Variants in ATP10D observed in about 807,000 individuals in gnomAD.
ATP10D encodes phospholipid-transporting ATPase VD.
Under a neutral mutation model 144.8 loss-of-function variants are expected in ATP10D, and 89 were observed. The observed-to-expected ratio is 0.61, with a 90% confidence interval of 0.52 to 0.73. The LOEUF (loss-of-function observed/expected upper bound fraction) is 0.73, where lower values mean the gene tolerates loss of function less well. Ranked by LOEUF, ATP10D falls within the 30% of genes least tolerant of loss-of-function variation. The pLI, the probability that ATP10D is intolerant of heterozygous loss-of-function variation, is 0.00. For synonymous variants in ATP10D, 571 were observed against 615.1 expected, an observed-to-expected ratio of 0.93 and a Z score of 1.06; for missense variants, 1,603 against 1,714.8, an observed-to-expected ratio of 0.93 and a Z score of 1.15.
chr4:47,558,588 T>C (rs984403532), intron 12 of ATP10D, among the ~76,000 whole-genome samples: 3 of 152,200 alleles, frequency 2.0e-5, no homozygotes, highest in Non-Finnish European at 4.4e-5. Flanking sequence ...TGACATACTA[T>C]ATGCAATGTA....
chr4:47,574,252 C>T (rs1720110347), intron 18 of ATP10D, among the ~76,000 whole-genome samples: 1 of 152,204 alleles, frequency 6.6e-6, no homozygotes, highest in Non-Finnish European at 1.5e-5. Flanking sequence ...GGTATACACT[C>T]TCGAAGAGAG....
At chr4:47,568,508 G>T (rs965328392) in intron 15 of ATP10D, among the ~76,000 whole-genome samples, 4 of 152,174 alleles carry the variant, frequency 2.6e-5, no homozygotes, top group African/African-American at 9.7e-5. Context: ...TACATAGTTT[G>T]CCCAAGGTCA....
At position 47,536,886 on chromosome 4, in the gene ATP10D, G is replaced by T; in HGVS notation, c.1344G>T (p.Met448Ile). Residue 448 changes from methionine to isoleucine, a missense_variant, in exon 9 of 23, where the codon ATG becomes ATT. Coordinates refer to ENST00000273859, the MANE Select transcript of ATP10D (RefSeq NM_020453.4). ...CAGGAACCCTCACTGAGAATAAGAT[G>T]GTTTTTCGAAGATGTAGTGTGGCAG... ...DKTGTLTENK[M>I]VFRRCSVAGF... The T allele has an allele frequency of 1.2e-6, 2 of 1,612,832 alleles. No homozygotes were observed. The highest frequency in any genetic ancestry group is 1.7e-6 in the Non-Finnish European group (2 of 1,179,468).
intron 10 of ATP10D, among the ~76,000 whole-genome samples, chr4:47,552,837 G>A (rs1388563035): frequency 6.6e-6 from 1 of 152,172 alleles, no homozygotes; most frequent in African/African-American, 2.4e-5. Context: ...TTCTATAAAA[G>A]AAGTCTCTAA....
chr4:47,569,049 G>A lies in ATP10D; in HGVS notation c.3066G>A (p.Trp1022Ter), dbSNP rs1166196070. The A allele has an allele frequency of 6.2e-7, 1 of 1,614,182 alleles. No homozygotes were observed. The highest frequency in any genetic ancestry group is 8.5e-7 in the Non-Finnish European group (1 of 1,180,020). Reference sequence around the variant, plus strand: ...AGCAGTTCCTGGAACTGACATCTTGGTGTCAAGCTGTGGTCTGCTGCCGAG... The same window carrying A: ...AGCAGTTCCTGGAACTGACATCTTGATGTCAAGCTGTGGTCTGCTGCCGAG... Reference protein sequence around the residue: ...LQKQFLELTSWCQAVVCCRAT... With the variant: ...LQKQFLELTS Residue 1022 changes from tryptophan to a stop codon, truncating the protein, a stop_gained, in exon 16 of 23, where the codon TGG becomes TGA. Transcript: ENST00000273859. LOFTEE classifies it high-confidence loss of function.
chr4:47,569,596 G>C (rs1488046806), intron 16 of ATP10D, among the ~76,000 whole-genome samples: 2 of 152,016 alleles, frequency 1.3e-5, no homozygotes, highest in Non-Finnish European at 2.9e-5. Flanking sequence ...TATAAAATTG[G>C]CAAACTACCT....
chr4:47,526,089 CCAAAAG>C (rs1560425014), intron 5 of ATP10D, among the ~76,000 whole-genome samples: 14 of 152,248 alleles, frequency 9.2e-5, no homozygotes, highest in Non-Finnish European at 1.5e-4. Context: ...TACCTTGATA[CCAAAAG>C]CATATAAAGA....
In ATP10D at chr4:47,535,936, G is replaced by A; in HGVS notation, c.918G>A (p.Gly306=). ...HETKAMLNNS[G]PRYKRSKLER... Reference sequence around the variant, plus strand: ...CCAAAGCAATGCTGAACAACAGTGGGCCACGGTATAAGCGCAGCAAATTAG... The same window carrying A: ...CCAAAGCAATGCTGAACAACAGTGGACCACGGTATAAGCGCAGCAAATTAG... Residue 306 remains glycine, a synonymous_variant, in exon 7 of 23, where the codon GGG becomes GGA. Transcript: ENST00000273859. The A allele has an allele frequency of 1.9e-6, 3 of 1,612,964 alleles. No individual in the cohort carries two copies. The highest frequency in any genetic ancestry group is 2.5e-6 in the Non-Finnish European group (3 of 1,179,262).
chr4:47,494,186 G>A (rs1398885296), intron 1 of ATP10D, among the ~76,000 whole-genome samples: 3 of 152,032 alleles, frequency 2.0e-5, no homozygotes, highest in Non-Finnish European at 2.9e-5. Context: ...CTAAACTTTT[G>A]TGCAAATGTT....
chr4:47,571,181 T>C (rs985899284), intron 16 of ATP10D, among the ~76,000 whole-genome samples: 1 of 151,882 alleles, frequency 6.6e-6, no homozygotes, highest in Admixed American at 6.6e-5. Context: ...ATAAATGAAT[T>C]ATTCAAGCTT....
intron 3 of ATP10D, among the ~76,000 whole-genome samples, chr4:47,520,069 G>A (rs1309596317): frequency 6.6e-6 from 1 of 152,164 alleles, no homozygotes; most frequent in Non-Finnish European, 1.5e-5. Flanking sequence ...TTCTAATATA[G>A]AGAAAGAAAC....
Position 47,521,556 on chromosome 4 carries a change from T to A in ATP10D, c.486-1456T>A, listed in dbSNP as rs1216942185. ...TCCTAAATAAACTGCCATCCAAAAA[T>A]CCATTCATTACTCTGTCTCAGGAGT... On this transcript the variant is annotated intron_variant, in intron 3 of 22. Transcript: ENST00000273859. 3.9e-5 allele frequency among the ~76,000 whole-genome samples: 6 copies of A among 152,152 alleles called. No individual in the cohort carries two copies. The East Asian group carries it at 7.7e-4, about 19-fold the overall frequency.
chr4:47,569,969 A>G (rs1011162188), intron 16 of ATP10D, among the ~76,000 whole-genome samples: 1 of 152,196 alleles, frequency 6.6e-6, no homozygotes, highest in Non-Finnish European at 1.5e-5. Context: ...TAAAGGCCAG[A>G]GAAGCAGCAG....
rs1162370224 is a variant in ATP10D at position 47,505,642 on chromosome 4, GGAAGGATCGCTT to G, written c.-37-6858_-37-6847del. 3.3e-5 allele frequency among the ~76,000 whole-genome samples: 5 copies of G among 152,002 alleles called. No individual in the cohort carries two copies. The South Asian group carries it at 1.0e-3, about 32-fold the overall frequency. On this transcript the variant is annotated intron_variant, in intron 1 of 22. Coordinates refer to ENST00000273859, the MANE Select transcript of ATP10D (RefSeq NM_020453.4). ...TCCCAGCTACTTGTGAAGCTGTGGT[GGAAGGATCGCTT>G]GAACCAGGGAGGCAGAGATTGCAGT... is the stretch of plus-strand genomic sequence containing the variant.
rs1289032538 is a variant in ATP10D at position 47,569,081 on chromosome 4, C to T, written c.3098C>T (p.Pro1033Leu). ...GCTGTGGTCTGCTGCCGAGCCACAC[C>T]GCTGCAGAAAAGTGAAGTGGTGAAA... ...CQAVVCCRAT[P>L]LQKSEVVKLV... Residue 1033 changes from proline (P) to leucine (L), a missense_variant, in exon 16 of 23, where the codon CCG becomes CTG. By Grantham distance (98) the Pro-to-Leu change is moderately conservative (BLOSUM62 -3). Transcript: ENST00000273859. 6 of 1,614,058 alleles carry T rather than the reference C, an allele frequency of 3.7e-6. No homozygotes were observed. The highest frequency in any genetic ancestry group is 2.2e-5 in the East Asian group (1 of 44,906).
chr4:47,537,888 A>G (rs1033811051), intron 9 of ATP10D, among the ~76,000 whole-genome samples: 2 of 152,180 alleles, frequency 1.3e-5, no homozygotes, highest in African/African-American at 2.4e-5. Context: ...CCCTGATTGC[A>G]TGTAATTTAG....
chr4:47,511,761 C>T (rs760575674), intron 1 of ATP10D, among the ~76,000 whole-genome samples: 2 of 152,158 alleles, frequency 1.3e-5, no homozygotes, highest in Non-Finnish European at 1.5e-5. Context: ...TGGGCACACT[C>T]GCTTGTTAGT....
chr4:47,583,628 G>T (rs7654299), intron 21 of ATP10D, among the ~76,000 whole-genome samples: 36,465 of 152,038 alleles, frequency 0.24, 5,099 homozygotes, highest in East Asian at 0.6. Flanking sequence ...CAATTGCATT[G>T]GTACTTTTGG....
In ATP10D at chr4:47,536,815, A is replaced by C; in HGVS notation, c.1273A>C (p.Ile425Leu). 6.2e-7 allele frequency: 1 copy of C among 1,613,320 alleles called. No individual in the cohort carries two copies. Among genetic ancestry groups the C allele is most frequent in the South Asian group, 1.1e-5 (1 of 91,032 alleles). ...TATTGTTCAGTGCCGAGCCCTGAACATCGCCGAGGATCTGGGACAGATTCA... is the reference window on the plus strand; with the variant it reads ...TATTGTTCAGTGCCGAGCCCTGAACCTCGCCGAGGATCTGGGACAGATTCA... Reference protein sequence around the residue: ...DSIVQCRALNIAEDLGQIQYL... With the variant: ...DSIVQCRALNLAEDLGQIQYL... Residue 425 changes from isoleucine (I) to leucine (L), a missense_variant, in exon 9 of 23, where the codon ATC becomes CTC. Transcript: ENST00000273859.
Sources: allele counts gnomAD v4.1 joint callset (sites outside exome capture counted in the v4.1 genomes callset), GRCh38; gene constraint gnomAD v4.1.1; transcripts MANE v1.5; gene names NCBI Gene and HGNC (gene_info 2026-07-23, HGNC 2026-07-21).